GRM3: variants seen among roughly 807,000 people sequenced by gnomAD.
The protein encoded by GRM3 is metabotropic glutamate receptor 3.
A neutral mutation model predicts 70.5 loss-of-function variants in GRM3; 26 were observed. The ratio of observed to expected loss-of-function variants is 0.37; its 90% CI spans 0.27 to 0.51. The LOEUF (loss-of-function observed/expected upper bound fraction) is 0.51. GRM3 is among the 20% of genes least tolerant of loss of function. GRM3 has a pLI of 0.93. For synonymous variants in GRM3, 443 were observed against 434.9 expected (o/e 1.02, Z -0.23); for missense variants, 859 against 1,123.8 (o/e 0.76, Z 3.37).
chr7:86,731,947 G>A (rs559641004), intron 1 of GRM3, among the ~76,000 whole-genome samples: 1 of 152,082 alleles, frequency 6.6e-6, no homozygotes, highest in African/African-American at 2.4e-5. Context: ...CTAGCTTATA[G>A]GAAATAATAT....
At chr7:86,646,005 G>GGGGTT (rs1793458167) in intron 1 of GRM3, among the ~76,000 whole-genome samples, 1 of 42,408 alleles carries the variant, frequency 2.4e-5, no homozygotes, top group Non-Finnish European at 4.5e-5. Flanking sequence ...GGGTGGGGGG[G>GGGGTT]TGGGGGGGGG....
intron 1 of GRM3, among the ~76,000 whole-genome samples, chr7:86,724,933 C>T (rs1326506709): frequency 6.6e-6 from 1 of 151,906 alleles, no homozygotes; most frequent in Non-Finnish European, 1.5e-5. Flanking sequence ...CTAAACTTCC[C>T]ACATCAAACA....
At chr7:86,843,349 A>G (rs565349764) in intron 4 of GRM3, among the ~76,000 whole-genome samples, 1 of 152,306 alleles carries the variant, frequency 6.6e-6, no homozygotes. Context: ...TGTACCACAG[A>G]CGCATCCATA....
chr7:86,838,995 T>C lies in GRM3; in HGVS notation c.1481T>C (p.Val494Ala). 1 of 1,614,132 alleles carries C rather than the reference T, an allele frequency of 6.2e-7. No homozygotes were observed. The highest frequency in any genetic ancestry group is 8.5e-7 in the Non-Finnish European group (1 of 1,179,990). ...GHWAETLSLD[V>A]NSIHWSRNSV... ...TGGGCAGAAACCTTATCGCTAGATG[T>C]CAACTCTATCCACTGGTCCCGGAAC... Residue 494 changes from valine (V) to alanine (A), a missense_variant, in exon 4 of 6, where the codon GTC becomes GCC. Physicochemically the swap from Val to Ala is moderately conservative, Grantham distance 64. Transcript: ENST00000361669.
intron 1 of GRM3, among the ~76,000 whole-genome samples, chr7:86,682,317 A>C (rs1794460146): frequency 6.6e-6 from 1 of 152,342 alleles, no homozygotes; most frequent in Admixed American, 6.5e-5. Flanking sequence ...GGTACGTGTC[A>C]TAATCTTGTA....
At chr7:86,662,616 G>C (rs1793921519) in intron 1 of GRM3, among the ~76,000 whole-genome samples, 1 of 151,748 alleles carries the variant, frequency 6.6e-6, no homozygotes, top group Non-Finnish European at 1.5e-5. Context: ...ATTTATAAGA[G>C]TCTTATAATG....
chr7:86,860,478 AAT>A (rs1246288766), intron 5 of GRM3, among the ~76,000 whole-genome samples: 1 of 152,208 alleles, frequency 6.6e-6, no homozygotes, highest in Non-Finnish European at 1.5e-5. Flanking sequence ...GAAGCAGAAA[AAT>A]ATAAGTTAGA....
chr7:86,850,677 C>G (rs942522893), intron 5 of GRM3, 133 bp downstream of exon 5: 1 of 680,690 alleles, frequency 1.5e-6, no homozygotes, highest in Admixed American at 2.3e-5. Flanking sequence ...GATTTAAACA[C>G]TGTGAGTCAG....
chr7:86,833,237 G>T (rs1798388731), intron 3 of GRM3: 1 of 134,264 alleles, frequency 7.4e-6, no homozygotes, highest in East Asian at 2.3e-4. Context: ...CACACTCTGG[G>T]GACTGTTGTG....
chr7:86,647,708 T>C (rs1793508515), intron 1 of GRM3, among the ~76,000 whole-genome samples: 1 of 152,200 alleles, frequency 6.6e-6, no homozygotes, highest in South Asian at 2.1e-4. Context: ...CATAAAATGA[T>C]AGAAGATTAT....
chr7:86,678,436 G>T (rs890613508), intron 1 of GRM3, among the ~76,000 whole-genome samples: 1 of 151,954 alleles, frequency 6.6e-6, no homozygotes, highest in Non-Finnish European at 1.5e-5. Flanking sequence ...TTACGTTAAC[G>T]CCGCCTCTCT....
chr7:86,738,811 T>C (rs1015115581), intron 1 of GRM3, among the ~76,000 whole-genome samples: 24 of 152,314 alleles, frequency 1.6e-4, no homozygotes, highest in Admixed American at 1.0e-3. Flanking sequence ...GCACAACATA[T>C]AGTTTTGAAA....
chr7:86,652,346 T>C (rs1036262968), intron 1 of GRM3, among the ~76,000 whole-genome samples: 1 of 152,202 alleles, frequency 6.6e-6, no homozygotes, highest in African/African-American at 2.4e-5. Flanking sequence ...TTGTTCTTTT[T>C]TTGAGATGGA....
At chr7:86,802,474 TAAA>T (rs1029035977) in intron 3 of GRM3, among the ~76,000 whole-genome samples, 1 of 151,980 alleles carries the variant, frequency 6.6e-6, no homozygotes, top group African/African-American at 2.4e-5. Flanking sequence ...ATGTCTTTAA[TAAA>T]GAATGACTCA....
intron 2 of GRM3, among the ~76,000 whole-genome samples, chr7:86,766,191 C>T (rs1461311899): frequency 1.3e-5 from 2 of 152,046 alleles, no homozygotes; most frequent in African/African-American, 2.4e-5. Flanking sequence ...AACAGACTAT[C>T]AAGGTAAGAT....
At chr7:86,684,855 A>G (rs1427839659) in intron 1 of GRM3, among the ~76,000 whole-genome samples, 1 of 152,194 alleles carries the variant, frequency 6.6e-6, no homozygotes, top group African/African-American at 2.4e-5. Flanking sequence ...ACCATGGGCA[A>G]TTTATTAGAC....
chr7:86,687,549 A>G (rs1794596322), intron 1 of GRM3, among the ~76,000 whole-genome samples: 1 of 151,998 alleles, frequency 6.6e-6, no homozygotes, highest in Non-Finnish European at 1.5e-5. Context: ...ATGAAAGCAA[A>G]ATAGACATTT....
intron 1 of GRM3, among the ~76,000 whole-genome samples, chr7:86,663,462 G>A (rs1261068183): frequency 6.6e-6 from 1 of 151,956 alleles, no homozygotes; most frequent in Non-Finnish European, 1.5e-5. Context: ...CAAGCTGTTT[G>A]GAGGTAACTG....
chr7:86,671,453 A>G (rs1317859132), intron 1 of GRM3, among the ~76,000 whole-genome samples: 4 of 152,214 alleles, frequency 2.6e-5, no homozygotes, highest in African/African-American at 9.6e-5. Context: ...ATGTCTCTCA[A>G]TGATTTTATT....
Sources: gnomAD v4.1 joint callset for allele counts (sites outside exome capture counted in the v4.1 genomes callset) on GRCh38, gnomAD v4.1.1 for gene constraint, MANE v1.5 for transcripts, NCBI Gene and HGNC (gene_info 2026-07-23, HGNC 2026-07-21) for gene names.